Variants in RBFOX1 observed in about 807,000 individuals in gnomAD.
RBFOX1 encodes the protein RNA binding protein fox-1 homolog 1.
RBFOX1 carries 8 observed loss-of-function variants against 57.7 expected under a neutral mutation model. The observed-to-expected ratio is 0.14, with a 90% confidence interval of 0.08 to 0.25. The LOEUF (loss-of-function observed/expected upper bound fraction) is 0.25, where lower values mean the gene tolerates loss of function less well. Among genes scored for constraint, RBFOX1 ranks in the 10% least tolerant of loss-of-function variants. RBFOX1 has a pLI of 1.00. For missense variants in RBFOX1, 611 were observed against 548.5 expected, an observed-to-expected ratio of 1.11 and a Z score of -1.14; for synonymous variants, 326 against 222.4, an observed-to-expected ratio of 1.47 and a Z score of -4.15.
chr16:6,572,843 C>T (rs2097364305), intron 2 of RBFOX1, among the ~76,000 whole-genome samples: 1 of 152,146 alleles, frequency 6.6e-6, no homozygotes, highest in Non-Finnish European at 1.5e-5. Flanking sequence ...ATCCACCCAC[C>T]TTCGCCTCCC....
chr16:6,926,445 T>A (rs375350197), intron 3 of RBFOX1, among the ~76,000 whole-genome samples: 13 of 152,168 alleles, frequency 8.5e-5, no homozygotes, highest in African/African-American at 2.9e-4. Flanking sequence ...TGCCTCCTGA[T>A]CGGTGTTCAG....
At chr16:6,940,201 A>T (rs1597840082) in intron 3 of RBFOX1, among the ~76,000 whole-genome samples, 1 of 149,770 alleles carries the variant, frequency 6.7e-6, no homozygotes, top group African/African-American at 2.4e-5. Flanking sequence ...CAAAAATAAA[A>T]ATAAATAAAT....
chr16:7,572,474 A>T (rs1034226499), intron 5 of RBFOX1, among the ~76,000 whole-genome samples: 4 of 152,154 alleles, frequency 2.6e-5, no homozygotes, highest in Admixed American at 2.6e-4. Context: ...CGGGTAGGCG[A>T]CTGGCATGTG....
At chr16:6,784,618 T>C (rs1235551353) in intron 3 of RBFOX1, among the ~76,000 whole-genome samples, 1 of 152,196 alleles carries the variant, frequency 6.6e-6, no homozygotes, top group Non-Finnish European at 1.5e-5. Context: ...TGATCACTGA[T>C]ACTTTATTTA....
chr16:6,105,717 T>C (rs1458442060), intron 1 of RBFOX1, among the ~76,000 whole-genome samples: 3 of 151,922 alleles, frequency 2.0e-5, no homozygotes, highest in African/African-American at 7.2e-5. Context: ...AATTCCCTTG[T>C]CATTCCTGTG....
intron 2 of RBFOX1, among the ~76,000 whole-genome samples, chr16:5,518,723 C>T (rs976507471): frequency 6.6e-6 from 1 of 152,166 alleles, no homozygotes; most frequent in African/African-American, 2.4e-5. Context: ...TTGACATCCT[C>T]AACTGTGAAG....
chr16:7,704,218 C>G (rs1568572786), intron 14 of RBFOX1, among the ~76,000 whole-genome samples: 3 of 152,168 alleles, frequency 2.0e-5, no homozygotes, highest in South Asian at 2.1e-4. Context: ...CCAGTTTTAA[C>G]TTGTTGCTAA....
chr16:7,708,006 C>T (rs1302041678), intron 14 of RBFOX1, among the ~76,000 whole-genome samples: 2 of 152,190 alleles, frequency 1.3e-5, no homozygotes, highest in Non-Finnish European at 2.9e-5. Flanking sequence ...CAAGTATGGG[C>T]ACAGGATACG....
intron 1 of RBFOX1, among the ~76,000 whole-genome samples, chr16:5,458,165 G>A (rs536144003): frequency 5.7e-4 from 87 of 152,152 alleles, no homozygotes; most frequent in Non-Finnish European, 1.1e-3. Context: ...TATTAATGTT[G>A]CATTAAATAT....
intron 4 of RBFOX1, among the ~76,000 whole-genome samples, chr16:7,303,879 C>A (rs774115918): frequency 1.3e-5 from 2 of 151,742 alleles, no homozygotes; most frequent in African/African-American, 2.4e-5. Flanking sequence ...TCCTTGCCCC[C>A]CTCCCATTCA....
chr16:6,387,099 A>C (rs951243341), intron 2 of RBFOX1, among the ~76,000 whole-genome samples: 3 of 152,202 alleles, frequency 2.0e-5, no homozygotes, highest in Non-Finnish European at 4.4e-5. Context: ...GTCAAAGTCC[A>C]TTGGCAACCA....
chr16:7,262,154 TTATATATC>T (rs1298715187), intron 4 of RBFOX1, among the ~76,000 whole-genome samples: 3 of 151,658 alleles, frequency 2.0e-5, no homozygotes, highest in Admixed American at 6.6e-5. Context: ...GTAAATATAG[TTATATATC>T]TATAGATATG....
chr16:5,480,929 C>T (rs1218952515), intron 2 of RBFOX1, among the ~76,000 whole-genome samples: 1 of 152,152 alleles, frequency 6.6e-6, no homozygotes, highest in Admixed American at 6.5e-5. Flanking sequence ...TTTTGCAAGG[C>T]AATCTATGTA....
chr16:5,766,423 A>G (rs184827914), intron 3 of RBFOX1, among the ~76,000 whole-genome samples: 21 of 152,202 alleles, frequency 1.4e-4, no homozygotes, highest in African/African-American at 5.1e-4. Flanking sequence ...CGTCTCTACT[A>G]AAATGCAAAA....
chr16:7,558,644 A>G (rs1476029464), intron 5 of RBFOX1, among the ~76,000 whole-genome samples: 1 of 152,190 alleles, frequency 6.6e-6, no homozygotes, highest in Admixed American at 6.5e-5. Context: ...CTGACAAGTT[A>G]GCAACTGGCT....
At chr16:6,672,229 C>T (rs1341403427) in intron 3 of RBFOX1, among the ~76,000 whole-genome samples, 2 of 152,092 alleles carry the variant, frequency 1.3e-5, no homozygotes, top group African/African-American at 2.4e-5. Context: ...ATAATCATTT[C>T]TTATAATCCA....
intron 4 of RBFOX1, among the ~76,000 whole-genome samples, chr16:7,506,885 C>A (rs1438854710): frequency 1.3e-5 from 2 of 152,126 alleles, no homozygotes; most frequent in African/African-American, 4.8e-5. Flanking sequence ...CCTGGGTTCT[C>A]CAGAGGAAGA....
At chr16:5,426,989 G>C in intron 1 of RBFOX1, among the ~76,000 whole-genome samples, 1 of 152,188 alleles carries the variant, frequency 6.6e-6, no homozygotes, top group East Asian at 1.9e-4. Context: ...TCGGCTTCCA[G>C]CTGAGTGTAG....
chr16:6,376,934 C>T (rs2091249011), intron 2 of RBFOX1, among the ~76,000 whole-genome samples: 2 of 151,880 alleles, frequency 1.3e-5, no homozygotes, highest in Admixed American at 6.6e-5. Flanking sequence ...CATAGCCTTC[C>T]CTGTGTTTTT....
Sources: allele counts gnomAD v4.1 joint callset (sites outside exome capture counted in the v4.1 genomes callset), GRCh38; gene constraint gnomAD v4.1.1; transcripts MANE v1.5; gene names NCBI Gene and HGNC (gene_info 2026-07-23, HGNC 2026-07-21).